Variants in MSI2 observed in about 807,000 individuals in gnomAD.
MSI2 encodes RNA-binding protein Musashi homolog 2.
A neutral mutation model predicts 45.6 loss-of-function variants in MSI2; 17 were observed. The ratio of observed to expected loss-of-function variants is 0.37; its 90% CI spans 0.26 to 0.56. MSI2 has a LOEUF of 0.56. Ranked by LOEUF, MSI2 falls within the 20% of genes least tolerant of loss-of-function variation. The pLI, the probability that MSI2 is intolerant of heterozygous loss-of-function variation, is 0.77. For missense variants in MSI2, 293 were observed against 444.2 expected (o/e 0.66, Z 3.06); for synonymous variants, 156 against 158.2 (o/e 0.99, Z 0.11).
chr17:57,627,566 C>T lies in MSI2; in HGVS notation c.727+263C>T. ...AAGCAGAACGGAGGCAGGAGGCCTC[C>T]CTGTGCTCACCTCCTTTTTCTGAAG... On this transcript the variant is annotated intron_variant, in intron 10 of 13. Transcript: ENST00000284073. This position sits in a 1 kb window ranked among gnomAD's most constrained non-coding sequence, Gnocchi z 4.6. The T allele has an allele frequency of 1.9e-6, 1 of 523,638 alleles. No individual in the cohort carries two copies. Among genetic ancestry groups the T allele is most frequent in the Non-Finnish European group, 3.4e-6 (1 of 295,400 alleles). The allele number at this position is 523,638 out of a possible 1,614,324, so 32.4% of individuals were successfully genotyped here.
At chr17:57,493,753 G>A (rs887282016) in intron 6 of MSI2, among the ~76,000 whole-genome samples, 1 of 151,896 alleles carries the variant, frequency 6.6e-6, no homozygotes, top group African/African-American at 2.4e-5. Flanking sequence ...TTCTTCAGCT[G>A]CCCAAACCAC....
At chr17:57,550,403 G>C (rs1458238060) in intron 7 of MSI2, among the ~76,000 whole-genome samples, 1 of 152,186 alleles carries the variant, frequency 6.6e-6, no homozygotes, top group Non-Finnish European at 1.5e-5. Context: ...AGTAAAAATT[G>C]AGTTAGTATA....
intron 6 of MSI2, among the ~76,000 whole-genome samples, chr17:57,509,015 A>G (rs2086295308): frequency 6.6e-6 from 1 of 152,228 alleles, no homozygotes; most frequent in Non-Finnish European, 1.5e-5. Context: ...GCATCGAGTC[A>G]TTGCAGAAAT....
At chr17:57,564,024 G>A (rs1392819069) in intron 7 of MSI2, among the ~76,000 whole-genome samples, 1 of 152,128 alleles carries the variant, frequency 6.6e-6, no homozygotes, top group East Asian at 1.9e-4. Flanking sequence ...TGATGAATAG[G>A]ACGTCCTTTA....
At position 57,552,841 on chromosome 17, in the gene MSI2, A is replaced by G. The variant is rs1310214826; in HGVS notation, c.454+23117A>G. Among the ~76,000 whole-genome samples, 2 of 152,234 alleles carry G rather than the reference A, an allele frequency of 1.3e-5. No individual in the cohort carries two copies. Among genetic ancestry groups the G allele is most frequent in the East Asian group, 3.8e-4 (2 of 5,204 alleles). On this transcript the variant is annotated intron_variant, in intron 7 of 13. Transcript: ENST00000284073. This position sits in a 1 kb window ranked among gnomAD's most constrained non-coding sequence, Gnocchi z 4.3. The stretch of plus-strand genomic sequence containing the variant: ...GTATTTTTAGGAAATAAGTGGGGAC[A>G]TAAATATAAACAACCCGGAAATCAC...
At chr17:57,305,608 G>A (rs184839572) in intron 5 of MSI2, among the ~76,000 whole-genome samples, 191 of 152,272 alleles carry the variant, frequency 1.3e-3, no homozygotes, top group African/African-American at 4.5e-3. Flanking sequence ...GGGCAGTTCA[G>A]GCAGGGTGAA....
At chr17:57,663,155 C>T (rs1250710509) in intron 11 of MSI2, among the ~76,000 whole-genome samples, 1 of 150,434 alleles carries the variant, frequency 6.6e-6, no homozygotes, top group Non-Finnish European at 1.5e-5. Flanking sequence ...TGGGGCTTTG[C>T]TCTGAGCCAG....
intron 8 of MSI2, chr17:57,600,939 T>C (rs929941837): frequency 6.6e-6 from 1 of 152,262 alleles, no homozygotes; most frequent in African/African-American, 2.4e-5. Context: ...GGTTAAGCAG[T>C]TTGCCCAAGG....
intron 6 of MSI2, among the ~76,000 whole-genome samples, chr17:57,425,512 C>G (rs1344750355): frequency 6.6e-6 from 1 of 152,090 alleles, no homozygotes; most frequent in East Asian, 1.9e-4. Flanking sequence ...TGCCAGATGG[C>G]CTTTTCTGGT....
chr17:57,674,094 C>T (rs543833509), intron 11 of MSI2, among the ~76,000 whole-genome samples: 1 of 151,902 alleles, frequency 6.6e-6, no homozygotes, highest in South Asian at 2.1e-4. Context: ...CCCCCCATCC[C>T]TCCCTCCATC....
At position 57,681,299 on chromosome 17, in the gene MSI2, C is replaced by T; in HGVS notation, c.*1782C>T. 5.5e-6 allele frequency: 1 copy of T among 181,700 alleles called. No homozygotes were observed. Among genetic ancestry groups the T allele is most frequent in the Non-Finnish European group, 1.2e-5 (1 of 85,208 alleles). The allele number at this position is 181,700 out of a possible 1,614,324, so 11.3% of individuals were successfully genotyped here. On this transcript the variant is annotated 3_prime_UTR_variant, in exon 14 of 14. Coordinates refer to ENST00000284073, the MANE Select transcript of MSI2 (RefSeq NM_138962.4). ...CAACAGCAACTATAGAAGTACAACT[C>T]AATAGATGGCATTAAAACATATTGT...
intron 6 of MSI2, among the ~76,000 whole-genome samples, chr17:57,499,109 C>T (rs1170020509): frequency 6.6e-6 from 1 of 152,076 alleles, no homozygotes; most frequent in Non-Finnish European, 1.5e-5. Flanking sequence ...GACGCGGTGG[C>T]TCATGCCTGT....
intron 6 of MSI2, among the ~76,000 whole-genome samples, chr17:57,429,281 C>T (rs903891146): frequency 6.6e-6 from 1 of 152,118 alleles, no homozygotes; most frequent in South Asian, 2.1e-4. Context: ...AAAGGTTGGC[C>T]CCGGTTTTGG....
At chr17:57,313,325 A>G (rs777673705) in intron 5 of MSI2, among the ~76,000 whole-genome samples, 14 of 152,220 alleles carry the variant, frequency 9.2e-5, no homozygotes, top group African/African-American at 2.9e-4. Context: ...GGAAGATGGT[A>G]AAGCAACAGT....
At chr17:57,528,765 C>G (rs1452929982) in intron 6 of MSI2, among the ~76,000 whole-genome samples, 2 of 152,132 alleles carry the variant, frequency 1.3e-5, no homozygotes, top group Non-Finnish European at 2.9e-5. Context: ...AGGGCCCACC[C>G]TAATGATCTC....
intron 5 of MSI2, among the ~76,000 whole-genome samples, chr17:57,391,295 G>C (rs970697026): frequency 7.9e-5 from 12 of 152,138 alleles, no homozygotes. Flanking sequence ...GGTGTTCTCA[G>C]GGTTACGATT....
chr17:57,319,874 A>G (rs569727719), intron 5 of MSI2, among the ~76,000 whole-genome samples: 1 of 152,084 alleles, frequency 6.6e-6, no homozygotes, highest in Non-Finnish European at 1.5e-5. Context: ...ACAGCCTCCC[A>G]AAGTGCTGGG....
intron 8 of MSI2, among the ~76,000 whole-genome samples, chr17:57,604,847 C>G (rs115148234): frequency 0.01 from 1,498 of 149,376 alleles, 21 homozygotes; most frequent in African/African-American, 0.036. Context: ...GGCCCTGCCA[C>G]CTGGCAAGGT....
chr17:57,269,806 T>A (rs1443770015), intron 5 of MSI2, among the ~76,000 whole-genome samples: 1 of 152,162 alleles, frequency 6.6e-6, no homozygotes, highest in Non-Finnish European at 1.5e-5. Flanking sequence ...GACCTGTGAC[T>A]TCATAGATGG....
Sources: allele counts gnomAD v4.1 joint callset (sites outside exome capture counted in the v4.1 genomes callset), GRCh38; gene constraint gnomAD v4.1.1; non-coding constraint Gnocchi (gnomAD v3.1); transcripts MANE v1.5; gene names NCBI Gene and HGNC (gene_info 2026-07-23, HGNC 2026-07-21).